Variants in PLD5 observed in about 807,000 individuals in gnomAD.
PLD5 encodes the protein phospholipase D family member 5, also known as inactive phospholipase D5.
PLD5 carries 36 observed loss-of-function variants against 61.1 expected under a neutral mutation model. The observed-to-expected ratio is 0.59, with a 90% CI of 0.45 to 0.78. The LOEUF (loss-of-function observed/expected upper bound fraction) is 0.78, where lower values mean the gene tolerates loss of function less well. PLD5 is among the 30% of genes least tolerant of loss of function. The pLI is 0.00. For missense variants in PLD5, 515 were observed against 644.4 expected, an observed-to-expected ratio of 0.80 and a Z score of 2.17; for synonymous variants, 243 against 242.8, an observed-to-expected ratio of 1.00 and a Z score of -0.01.
chr1:242,397,047 A>G (rs1396193218), intron 1 of PLD5, among the ~76,000 whole-genome samples: 1 of 151,916 alleles, frequency 6.6e-6, no homozygotes, highest in Non-Finnish European at 1.5e-5. Flanking sequence ...TCTTTTATAT[A>G]GCTACATGTT....
At chr1:242,228,300 A>C (rs1036002024) in intron 4 of PLD5, among the ~76,000 whole-genome samples, 2 of 152,174 alleles carry the variant, frequency 1.3e-5, no homozygotes, top group African/African-American at 4.8e-5. Flanking sequence ...CAAAATCTTC[A>C]CAGGGTATTT....
chr1:242,444,363 G>A (rs1369656529), intron 1 of PLD5, among the ~76,000 whole-genome samples: 2 of 152,020 alleles, frequency 1.3e-5, no homozygotes, highest in African/African-American at 2.4e-5. Flanking sequence ...TACCGGAGAA[G>A]AGGGAGGTAT....
chr1:242,107,624 G>C (rs1661167339), intron 8 of PLD5, 47 bp downstream of exon 8: 1 of 1,499,396 alleles, frequency 6.7e-7, no homozygotes, highest in Non-Finnish European at 9.0e-7. Context: ...CACACATGCA[G>C]AGGGCATTCA....
chr1:242,464,413 G>A (rs1026672589), intron 1 of PLD5, among the ~76,000 whole-genome samples: 13 of 152,278 alleles, frequency 8.5e-5, no homozygotes, highest in African/African-American at 3.1e-4. Context: ...TTAGCACATA[G>A]CTTTCCTTAC....
chr1:242,262,399 GA>G (rs1673426878), intron 4 of PLD5, among the ~76,000 whole-genome samples: 1 of 152,192 alleles, frequency 6.6e-6, no homozygotes. Context: ...TTTACTTTGT[GA>G]AATTCATTGA....
chr1:242,097,559 T>C (rs1303053062), intron 9 of PLD5, among the ~76,000 whole-genome samples: 3 of 152,222 alleles, frequency 2.0e-5, no homozygotes, highest in Admixed American at 6.5e-5. Flanking sequence ...TTTTGAGAAG[T>C]GTCTGTTCAT....
chr1:242,284,119 CTTTTTTTTTTTTTT>C (rs565165218), intron 3 of PLD5, among the ~76,000 whole-genome samples: 19 of 75,950 alleles, frequency 2.5e-4, no homozygotes, highest in Admixed American at 3.9e-4. Context: ...TTTCTTTTTC[CTTTTTTTTTTTTTT>C]TTTTTTTTTT....
At chr1:242,149,383 T>C (rs1664763171) in intron 5 of PLD5, among the ~76,000 whole-genome samples, 1 of 151,858 alleles carries the variant, frequency 6.6e-6, no homozygotes, top group Non-Finnish European at 1.5e-5. Context: ...TTTAATTTGC[T>C]AGTATGTTAT....
At chr1:242,293,820 A>G (rs1406237068) in intron 2 of PLD5, among the ~76,000 whole-genome samples, 1 of 152,208 alleles carries the variant, frequency 6.6e-6, no homozygotes, top group Non-Finnish European at 1.5e-5. Context: ...TTACCCAGAC[A>G]TGTTGATTGC....
rs1659332696 is a variant in PLD5, at chr1:242,083,273, G to T, written c.*6581C>A. ...ACTCCCTAAAAGAGGGCCGTGATTGGTGGGGCCAGGTACCATCAAACAAGA... is the reference window on the plus strand; with the variant it reads ...ACTCCCTAAAAGAGGGCCGTGATTGTTGGGGCCAGGTACCATCAAACAAGA... On this transcript the variant is annotated 3_prime_UTR_variant, in exon 10 of 10. Transcript: ENST00000536534. 6.6e-6 allele frequency: 1 copy of T among 152,178 alleles called. No individual in the cohort carries two copies. Among genetic ancestry groups the T allele is most frequent in the African/African-American group, 2.4e-5 (1 of 41,434 alleles). 9.4% of individuals were successfully genotyped at this position (152,178 alleles called of 1,614,324 possible).
chr1:242,507,355 GAC>G (rs1668762439), intron 1 of PLD5, among the ~76,000 whole-genome samples: 1 of 152,192 alleles, frequency 6.6e-6, no homozygotes, highest in Non-Finnish European at 1.5e-5. Context: ...GTGCAGAAGT[GAC>G]TGAGGCCAGG....
Position 242,102,850 on chromosome 1 carries a change from T to TA in PLD5, c.1240-2069dup, listed in dbSNP as rs200736509. On this transcript the variant is annotated intron_variant, in intron 8 of 9. Coordinates refer to ENST00000536534, the MANE Select transcript of PLD5 (RefSeq NM_001372062.1). ...TGTGAACTACTAATGTTTAGTTTAT[T>TA]AAAAAAAAAGTGACCATCTATGATC... Among the ~76,000 whole-genome samples, 407 of 151,436 alleles carry TA rather than the reference T, an allele frequency of 2.7e-3. 2 individuals are homozygous for TA. Among genetic ancestry groups the TA allele is most frequent in the Admixed American group, 0.015 (223 of 15,208 alleles).
chr1:242,497,452 A>G (rs1054871559), intron 1 of PLD5, among the ~76,000 whole-genome samples: 16 of 152,146 alleles, frequency 1.1e-4, no homozygotes, highest in Non-Finnish European at 1.9e-4. Flanking sequence ...TAAATTTTCT[A>G]TATGTATGGG....
At chr1:242,267,942 G>A (rs570929280) in intron 3 of PLD5, among the ~76,000 whole-genome samples, 1 of 151,290 alleles carries the variant, frequency 6.6e-6, no homozygotes, top group East Asian at 2.0e-4. Context: ...GAAAGAGACA[G>A]AGGCAACCAG....
At chr1:242,404,807 C>T (rs958501627) in intron 1 of PLD5, among the ~76,000 whole-genome samples, 8 of 150,882 alleles carry the variant, frequency 5.3e-5, no homozygotes, top group Non-Finnish European at 8.8e-5. Flanking sequence ...ACCCTTCTTC[C>T]ATCAGACCTT....
At chr1:242,379,009 C>T (rs1175500378) in intron 1 of PLD5, among the ~76,000 whole-genome samples, 2 of 152,108 alleles carry the variant, frequency 1.3e-5, no homozygotes, top group Non-Finnish European at 2.9e-5. Flanking sequence ...TCCTCTCATT[C>T]CTAGTCTTTC....
At chr1:242,383,497 T>C (rs1036780089) in intron 1 of PLD5, among the ~76,000 whole-genome samples, 1 of 152,146 alleles carries the variant, frequency 6.6e-6, no homozygotes, top group Admixed American at 6.5e-5. Flanking sequence ...GACCATGCTT[T>C]ATTTTTATAA....
chr1:242,212,286 C>G (rs1467092007), intron 5 of PLD5, among the ~76,000 whole-genome samples: 2 of 152,226 alleles, frequency 1.3e-5, no homozygotes, highest in African/African-American at 4.8e-5. Context: ...AAGCAAGCAG[C>G]ATTAAAAGGG....
At chr1:242,222,415 A>T (rs1200767318) in intron 4 of PLD5, among the ~76,000 whole-genome samples, 1 of 152,194 alleles carries the variant, frequency 6.6e-6, no homozygotes, top group African/African-American at 2.4e-5. Context: ...AACAGAATGA[A>T]GGTGACCGTG....
Sources: allele counts gnomAD v4.1 joint callset (sites outside exome capture counted in the v4.1 genomes callset), GRCh38; gene constraint gnomAD v4.1.1; transcripts MANE v1.5; gene names NCBI Gene and HGNC (gene_info 2026-07-23, HGNC 2026-07-21).